The following UPP2 variants were observed in gnomAD, a reference collection of about 807,000 sequenced individuals.
The protein encoded by UPP2 is uridine phosphorylase 2.
A neutral mutation model predicts 26.7 loss-of-function variants in UPP2; 23 were observed. The ratio of observed to expected loss-of-function variants is 0.86; its 90% CI spans 0.62 to 1.22. UPP2 has a LOEUF of 1.22. Ranked by LOEUF, UPP2 falls within the 50% of genes most tolerant of loss-of-function variation. UPP2 has a pLI of 0.00. For synonymous variants in UPP2, 127 were observed against 141.3 expected, an observed-to-expected ratio of 0.90 and a Z score of 0.72; for missense variants, 387 against 396.7, an observed-to-expected ratio of 0.98 and a Z score of 0.21.
chr2:158,088,167 AT>A lies in UPP2; in HGVS notation c.148-13871del, dbSNP rs768310027. 7.7e-4 allele frequency among the ~76,000 whole-genome samples: 117 copies of A among 152,226 alleles called. 1 individual carries two copies. Among genetic ancestry groups the A allele is most frequent in the South Asian group, 8.3e-4 (4 of 4,812 alleles). ...ACACAATCCCGTACTTCTTGGAGGC[AT>A]TATTCATTTTTTAAAATTCTTTCTT... On this transcript the variant is annotated intron_variant, in intron 3 of 9. Transcript: ENST00000605860.
chr2:158,126,885 A>G (rs895838883), intron 6 of UPP2: 5 of 152,212 alleles, frequency 3.3e-5, no homozygotes, highest in East Asian at 1.9e-4. Context: ...ACCCTATCCT[A>G]TCTCTCCAGA....
At chr2:158,029,795 C>CTT (rs565905140) in intron 3 of UPP2, among the ~76,000 whole-genome samples, 3,203 of 132,460 alleles carry the variant, frequency 0.024, 110 homozygotes, top group African/African-American at 0.083. Context: ...CATCTCGTTT[C>CTT]TTTTTTTTTT....
intron 2 of UPP2, among the ~76,000 whole-genome samples, chr2:158,106,615 A>G (rs931636111): frequency 6.6e-6 from 1 of 152,184 alleles, no homozygotes; most frequent in African/African-American, 2.4e-5. Context: ...AACTAACAAT[A>G]TAATATTATT....
chr2:158,064,912 T>C (rs1212110838), intron 3 of UPP2, among the ~76,000 whole-genome samples: 1 of 152,216 alleles, frequency 6.6e-6, no homozygotes, highest in Non-Finnish European at 1.5e-5. Context: ...TGCAATGCTA[T>C]TTCTGAGACC....
In UPP2 at chr2:158,023,232, G is replaced by GGGGGC. The variant is rs1553463660; in HGVS notation, c.147+7350_147+7351insCGGGG. On this transcript the variant is annotated intron_variant, in intron 3 of 9. Transcript: ENST00000605860. ...GAGGTCATGGGGTTGCTGTCAGTTG[G>GGGGGC]GGGGGGGCATTTGGAAGGCTTTCAG... 2.7e-5 allele frequency among the ~76,000 whole-genome samples: 4 copies of GGGGGC among 147,020 alleles called. 1 individual carries two copies. Among genetic ancestry groups the GGGGGC allele is most frequent in the Non-Finnish European group, 6.0e-5 (4 of 66,218 alleles).
At chr2:158,027,851 T>C (rs2105153842) in intron 3 of UPP2, among the ~76,000 whole-genome samples, 1 of 152,348 alleles carries the variant, frequency 6.6e-6, no homozygotes, top group Non-Finnish European at 1.5e-5. Flanking sequence ...CAACACCATG[T>C]GGAAGCTCCC....
chr2:158,030,684 G>A (rs1394923187), intron 3 of UPP2, among the ~76,000 whole-genome samples: 2 of 152,298 alleles, frequency 1.3e-5, no homozygotes, highest in South Asian at 2.1e-4. Flanking sequence ...TAAGGTAAGA[G>A]ATTATGAATA....
intron 3 of UPP2, among the ~76,000 whole-genome samples, chr2:158,080,712 G>A (rs926526250): frequency 2.5e-4 from 38 of 152,208 alleles, no homozygotes; most frequent in African/African-American, 8.4e-4. Flanking sequence ...ACAAAATTAT[G>A]ACTTTTACCA....
At chr2:158,065,128 G>C (rs189475882) in intron 3 of UPP2, among the ~76,000 whole-genome samples, 9 of 152,242 alleles carry the variant, frequency 5.9e-5, no homozygotes, top group African/African-American at 2.2e-4. Context: ...TGGTGTTCTT[G>C]GTCACATATT....
chr2:158,021,227 T>C (rs1197221630), intron 3 of UPP2, among the ~76,000 whole-genome samples: 8 of 152,358 alleles, frequency 5.3e-5, no homozygotes, highest in African/African-American at 1.9e-4. Flanking sequence ...TTTTAACCTT[T>C]CCAAGAGAAG....
intron 1 of UPP2, 63 bp from the exon 2 acceptor site, chr2:158,106,032 ACTTT>A (rs1445043022): frequency 7.4e-6 from 9 of 1,217,202 alleles, no homozygotes; most frequent in South Asian, 2.9e-5. Flanking sequence ...TTATGTTCAG[ACTTT>A]CTTTCTTGTG....
intron 3 of UPP2, among the ~76,000 whole-genome samples, chr2:158,078,706 A>G (rs77571022): frequency 0.065 from 9,962 of 152,190 alleles, 592 homozygotes; most frequent in East Asian, 0.14. Flanking sequence ...AGAATAAAGA[A>G]GACCTAGTAT....
At chr2:158,075,875 A>G (rs1682622719) in intron 3 of UPP2, among the ~76,000 whole-genome samples, 2 of 152,020 alleles carry the variant, frequency 1.3e-5, no homozygotes, top group South Asian at 4.1e-4. Flanking sequence ...TGAAGAAAAT[A>G]ATAAAAAAGA....
In UPP2 at chr2:158,134,892, C is replaced by T. The variant is rs140356535; in HGVS notation, c.*2C>T. On this transcript the variant is annotated 3_prime_UTR_variant, in exon 7 of 7. Transcript: ENST00000005756. ...CGGCGGCTTGGACTTTGTGACTAGA[C>T]GTCCTAACTGGGCAGCCCAACCCTC... The T allele has an allele frequency of 5.8e-5, 94 of 1,611,964 alleles. No individual in the cohort carries two copies. The highest frequency in any genetic ancestry group is 5.8e-4 in the East Asian group (26 of 44,788).
At chr2:158,016,317 T>C (rs1683658321) in intron 3 of UPP2, among the ~76,000 whole-genome samples, 1 of 151,946 alleles carries the variant, frequency 6.6e-6, no homozygotes, top group Non-Finnish European at 1.5e-5. Context: ...TGACTTATAT[T>C]AGCAAAAAAA....
At chr2:158,004,751 A>T (rs1048105332) in intron 2 of UPP2, among the ~76,000 whole-genome samples, 1 of 152,198 alleles carries the variant, frequency 6.6e-6, no homozygotes, top group Non-Finnish European at 1.5e-5. Context: ...AACTTTTTTT[A>T]AAGTTTGTGC....
At chr2:158,112,859 G>A (rs1377962459) in intron 2 of UPP2, among the ~76,000 whole-genome samples, 2 of 152,110 alleles carry the variant, frequency 1.3e-5, no homozygotes, top group Non-Finnish European at 2.9e-5. Flanking sequence ...GCAATCATTA[G>A]GCAAAATCCT....
intron 3 of UPP2, among the ~76,000 whole-genome samples, chr2:158,040,188 T>TCC (rs1019721007): frequency 2.8e-4 from 43 of 152,224 alleles, no homozygotes; most frequent in African/African-American, 1.0e-3. Flanking sequence ...CCCACTGGCT[T>TCC]CCCTCCTTTA....
intron 3 of UPP2, among the ~76,000 whole-genome samples, chr2:158,040,351 T>C (rs1684067124): frequency 6.6e-6 from 1 of 152,226 alleles, no homozygotes; most frequent in African/African-American, 2.4e-5. Context: ...GATAGATATC[T>C]AGATTTTTGT....
Sources: allele counts gnomAD v4.1 joint callset (sites outside exome capture counted in the v4.1 genomes callset), GRCh38; gene constraint gnomAD v4.1.1; transcripts MANE v1.5; gene names NCBI Gene and HGNC (gene_info 2026-07-23, HGNC 2026-07-21).